USP32: variants seen among roughly 807,000 people sequenced by gnomAD.
USP32 encodes ubiquitin specific peptidase 32.
A neutral mutation model predicts 204.8 loss-of-function variants in USP32; 59 were observed. The observed-to-expected ratio is 0.29, with a 90% confidence interval of 0.23 to 0.36. USP32 has a LOEUF of 0.36. Among genes scored for constraint, USP32 ranks in the 10% least tolerant of loss-of-function variants. The pLI, the probability that USP32 is intolerant of heterozygous loss-of-function variation, is 1.00. For synonymous variants in USP32, 517 were observed against 678.4 expected, an observed-to-expected ratio of 0.76 and a Z score of 3.70; for missense variants, 1,160 against 1,946.4, an observed-to-expected ratio of 0.60 and a Z score of 7.60.
chr17:60,303,465 G>C (rs2087638708), intron 2 of USP32, among the ~76,000 whole-genome samples: 3 of 150,970 alleles, frequency 2.0e-5, no homozygotes, highest in African/African-American at 7.3e-5. Flanking sequence ...ACAAATAGAA[G>C]GTAACATCAA....
At chr17:60,375,212 C>T (rs1436175929) in intron 1 of USP32, among the ~76,000 whole-genome samples, 1 of 152,024 alleles carries the variant, frequency 6.6e-6, no homozygotes, top group African/African-American at 2.4e-5. Flanking sequence ...TTCTTCTTAC[C>T]CTATATATCT....
chr17:60,198,203 T>C (rs966509280), intron 27 of USP32, 57 bp downstream of exon 27: 9 of 1,579,988 alleles, frequency 5.7e-6, no homozygotes, highest in Non-Finnish European at 7.7e-6. Context: ...AGAATTCATA[T>C]AGATTATTTT....
At chr17:60,354,841 T>C (rs1405171125) in intron 1 of USP32, among the ~76,000 whole-genome samples, 1 of 151,816 alleles carries the variant, frequency 6.6e-6, no homozygotes, top group Non-Finnish European at 1.5e-5. Flanking sequence ...AGGTCAGGAG[T>C]TCGAAACCAA....
At chr17:60,204,501 C>T (rs962693503) in intron 26 of USP32, among the ~76,000 whole-genome samples, 1 of 147,164 alleles carries the variant, frequency 6.8e-6, no homozygotes, top group Non-Finnish European at 1.5e-5. Flanking sequence ...CAAAGTCTCA[C>T]TTTATCACCC....
intron 29 of USP32, among the ~76,000 whole-genome samples, chr17:60,188,485 G>GT (rs1301995827): frequency 2.6e-5 from 4 of 151,926 alleles, no homozygotes; most frequent in Non-Finnish European, 5.9e-5. Flanking sequence ...TTTATGTCTT[G>GT]TTTTTTAAAA....
chr17:60,400,838 T>C lies in USP32; in HGVS notation c.106+21408A>G, dbSNP rs137886376. The stretch of plus-strand genomic sequence containing the variant: ...GGGTTTGAGACCAGCCTAGGCAACA[T>C]TGGTAGACCTAGTCTCTACAAGAAA... On this transcript the variant is annotated intron_variant, in intron 1 of 3. Coordinates refer to the USP32 transcript ENST00000588898. 2.1e-3 allele frequency among the ~76,000 whole-genome samples: 314 copies of C among 152,132 alleles called. 1 individual carries two copies. Among genetic ancestry groups the C allele is most frequent in the African/African-American group, 7.1e-3 (294 of 41,514 alleles).
chr17:60,235,713 T>C (rs1237019677), intron 12 of USP32, among the ~76,000 whole-genome samples: 1 of 152,204 alleles, frequency 6.6e-6, no homozygotes, highest in African/African-American at 2.4e-5. Flanking sequence ...GTTGAGAGAA[T>C]ATAAGCTTTA....
intron 5 of USP32, among the ~76,000 whole-genome samples, chr17:60,278,264 T>C (rs982947158): frequency 1.3e-5 from 2 of 152,078 alleles, no homozygotes. Flanking sequence ...AAACGTATTA[T>C]ATGCCTGACA....
intron 3 of USP32, among the ~76,000 whole-genome samples, chr17:60,296,179 G>A (rs887750941): frequency 2.0e-5 from 3 of 152,104 alleles, no homozygotes; most frequent in East Asian, 3.8e-4. Context: ...CTAGGTGGAG[G>A]TACGTATTAG....
chr17:60,200,560 C>CA (rs1301527598), intron 26 of USP32, among the ~76,000 whole-genome samples: 5,531 of 106,442 alleles, frequency 0.052, 365 homozygotes, highest in African/African-American at 0.16. Flanking sequence ...AACTCCATTG[C>CA]AAAAAAAAAA....
At chr17:60,405,689 G>A (rs2089970100) in intron 1 of USP32, among the ~76,000 whole-genome samples, 1 of 152,182 alleles carries the variant, frequency 6.6e-6, no homozygotes, top group Admixed American at 6.6e-5. Flanking sequence ...CTGAGCCTGG[G>A]GAGGTGGAGG....
intron 1 of USP32, among the ~76,000 whole-genome samples, chr17:60,414,023 T>C (rs1428636837): frequency 6.6e-6 from 1 of 151,564 alleles, no homozygotes; most frequent in Non-Finnish European, 1.5e-5. Flanking sequence ...GCTAGCAGAG[T>C]AGGATGTGGG....
rs947424807 is a variant in USP32 at position 60,336,247 on chromosome 17, A to G, written c.186+9234T>C. 2.1e-5 allele frequency among the ~76,000 whole-genome samples: 3 copies of G among 143,102 alleles called. 1 individual carries two copies. The highest frequency in any genetic ancestry group is 9.0e-5 in the African/African-American group (3 of 33,514). 93.9% of individuals were successfully genotyped at this position (143,102 alleles called of 152,430 possible). ...TCTATTGTGAACTCTGTTTTTCAAT[A>G]GCTTATGAAGCTGTTTAAATTTGCT... On this transcript the variant is annotated intron_variant, in intron 2 of 33. Transcript: ENST00000300896.
intron 14 of USP32, 57 bp from the exon 15 acceptor site, chr17:60,222,606 T>G: frequency 6.4e-7 from 1 of 1,555,474 alleles, no homozygotes; most frequent in Non-Finnish European, 8.8e-7. Flanking sequence ...TTTTTGGGTC[T>G]CAGCAATACC....
chr17:60,227,330 C>T (rs1326670400), intron 12 of USP32, among the ~76,000 whole-genome samples: 11 of 145,752 alleles, frequency 7.5e-5, no homozygotes, highest in South Asian at 2.1e-4. Flanking sequence ...AGTGCAGTGG[C>T]GTGATCTCGG....
At position 60,256,770 on chromosome 17, in the gene USP32, A is replaced by G. The variant is rs950659240; in HGVS notation, c.991-1512T>C. On this transcript the variant is annotated intron_variant, in intron 9 of 33. Coordinates refer to ENST00000300896, the MANE Select transcript of USP32 (RefSeq NM_032582.4). ...TAAGATCTGCCAATCTCCCAAATCA[A>G]GTATACAAAAAACTGGTGAAGAGAG... 5 of 1,189,496 alleles carry G rather than the reference A, an allele frequency of 4.2e-6. No individual in the cohort carries two copies. The African/African-American group carries it at 8.2e-5, about 20-fold the overall frequency. The allele number at this position is 1,189,496 out of a possible 1,614,324, so 73.7% of individuals were successfully genotyped here.
chr17:60,341,933 C>T (rs2088669461), intron 2 of USP32, among the ~76,000 whole-genome samples: 1 of 152,214 alleles, frequency 6.6e-6, no homozygotes, highest in African/African-American at 2.4e-5. Flanking sequence ...CTCCATCCTG[C>T]TTTGTTCTGT....
At chr17:60,307,946 C>T (rs914198495) in intron 2 of USP32, among the ~76,000 whole-genome samples, 3 of 152,194 alleles carry the variant, frequency 2.0e-5, no homozygotes, top group Non-Finnish European at 4.4e-5. Flanking sequence ...CACTGACAGG[C>T]ACTGGCAGAT....
At chr17:60,389,545 GA>G (rs140376997) in intron 1 of USP32, among the ~76,000 whole-genome samples, 16 of 143,422 alleles carry the variant, frequency 1.1e-4, no homozygotes, top group Admixed American at 1.4e-4. Context: ...TCTGTCTCGA[GA>G]AAAAAAAAAG....
Sources: gnomAD v4.1 joint callset for allele counts (sites outside exome capture counted in the v4.1 genomes callset) on GRCh38, gnomAD v4.1.1 for gene constraint, MANE v1.5 for transcripts, NCBI Gene and HGNC (gene_info 2026-07-23, HGNC 2026-07-21) for gene names.